Variants in HEMK2 observed in about 807,000 individuals in gnomAD.
The protein encoded by HEMK2 is methyltransferase HEMK2.
chr21:28,794,884 C>A, the HEMK2 span, among the ~76,000 whole-genome samples: 2 of 152,056 alleles, frequency 1.3e-5, no homozygotes, highest in African/African-American at 4.8e-5. Context: ...TGGGATGGTT[C>A]CAGTAAATGT....
chr21:28,824,341 G>T, the HEMK2 span, among the ~76,000 whole-genome samples: 3 of 152,160 alleles, frequency 2.0e-5, no homozygotes, highest in African/African-American at 7.2e-5. Flanking sequence ...ATCTGAAGTG[G>T]TCAGATACTA....
the HEMK2 span, among the ~76,000 whole-genome samples, chr21:28,614,083 A>G: frequency 6.6e-6 from 1 of 152,230 alleles, no homozygotes; most frequent in Non-Finnish European, 1.5e-5. Context: ...AATAAAGTTT[A>G]TAATTCCTTT....
At chr21:28,822,531 TA>T in the HEMK2 span, among the ~76,000 whole-genome samples, 13 of 152,182 alleles carry the variant, frequency 8.5e-5, no homozygotes, top group African/African-American at 3.1e-4. Flanking sequence ...TTCCCTAGTT[TA>T]TTTCCTTAAA....
the HEMK2 span, among the ~76,000 whole-genome samples, chr21:28,828,968 C>T: frequency 0.026 from 4,018 of 152,232 alleles, 180 homozygotes; most frequent in African/African-American, 0.092. Context: ...AGAGCTTTAA[C>T]AATTTTTAAT....
At chr21:28,639,213 G>GA in the HEMK2 span, among the ~76,000 whole-genome samples, 1 of 152,184 alleles carries the variant, frequency 6.6e-6, no homozygotes, top group Non-Finnish European at 1.5e-5. Context: ...ATCAAGATGA[G>GA]AAAGAAGAAA....
the HEMK2 span, among the ~76,000 whole-genome samples, chr21:28,762,101 A>T: frequency 6.6e-6 from 1 of 152,150 alleles, no homozygotes; most frequent in Non-Finnish European, 1.5e-5. Flanking sequence ...CTAAGAAAAG[A>T]CGTTGCCCTC....
the HEMK2 span, among the ~76,000 whole-genome samples, chr21:28,864,404 T>C: frequency 4.3e-4 from 59 of 137,624 alleles, no homozygotes; most frequent in African/African-American, 1.6e-3. Flanking sequence ...CTATGGGTCT[T>C]ACATTAGCAT....
the HEMK2 span, among the ~76,000 whole-genome samples, chr21:28,588,759 G>A: frequency 1.1e-4 from 17 of 151,964 alleles, no homozygotes; most frequent in South Asian, 1.9e-3. Flanking sequence ...TCACGAGGTC[G>A]GATCACAAGG....
At chr21:28,805,079 C>T in the HEMK2 span, among the ~76,000 whole-genome samples, 11 of 152,144 alleles carry the variant, frequency 7.2e-5, no homozygotes, top group African/African-American at 1.4e-4. Flanking sequence ...AATTATTTTC[C>T]TTGTTTCTGT....
At chr21:28,613,594 C>T in the HEMK2 span, among the ~76,000 whole-genome samples, 1 of 137,392 alleles carries the variant, frequency 7.3e-6, no homozygotes, top group Non-Finnish European at 1.5e-5. Flanking sequence ...TTATGGTAGC[C>T]TTCTCTCCTT....
chr21:28,613,654 A>C, the HEMK2 span, among the ~76,000 whole-genome samples: 2 of 87,088 alleles, frequency 2.3e-5, no homozygotes, highest in African/African-American at 5.1e-5. Flanking sequence ...TTTTGCCCTT[A>C]ACCAAAACCA....
the HEMK2 span, among the ~76,000 whole-genome samples, chr21:28,695,616 A>C: frequency 6.6e-6 from 1 of 152,060 alleles, no homozygotes; most frequent in Non-Finnish European, 1.5e-5. Flanking sequence ...CCATGATTCA[A>C]TTATCTCCAC....
At chr21:28,818,443 T>C in the HEMK2 span, among the ~76,000 whole-genome samples, 1 of 152,110 alleles carries the variant, frequency 6.6e-6, no homozygotes, top group Admixed American at 6.6e-5. Flanking sequence ...AATAAACTCA[T>C]ATATATATGT....
At chr21:28,581,763 G>A in the HEMK2 span, among the ~76,000 whole-genome samples, 5 of 152,122 alleles carry the variant, frequency 3.3e-5, no homozygotes, top group South Asian at 2.1e-4. Context: ...TAAAAACTAG[G>A]TTGGTTTAAA....
the HEMK2 span, among the ~76,000 whole-genome samples, chr21:28,637,367 G>A: frequency 2.0e-5 from 3 of 151,654 alleles, no homozygotes; most frequent in Admixed American, 6.6e-5. Flanking sequence ...GAGACACAAT[G>A]AATCAAAGGG....
the HEMK2 span, among the ~76,000 whole-genome samples, chr21:28,841,724 C>G: frequency 6.6e-6 from 1 of 151,376 alleles, no homozygotes; most frequent in Admixed American, 6.6e-5. Context: ...GTGTATACTG[C>G]TCAGGTGCAC....
chr21:28,709,980 T>C, the HEMK2 span, among the ~76,000 whole-genome samples: 1 of 152,200 alleles, frequency 6.6e-6, no homozygotes, highest in South Asian at 2.1e-4. Context: ...GCCCCAGACC[T>C]AACCACACCA....
chr21:28,703,363 C>A, the HEMK2 span, among the ~76,000 whole-genome samples: 1 of 151,860 alleles, frequency 6.6e-6, no homozygotes, highest in Admixed American at 6.6e-5. Flanking sequence ...TGTAGGATCG[C>A]TGGCTGGACA....
the HEMK2 span, among the ~76,000 whole-genome samples, chr21:28,655,728 C>A: frequency 6.6e-6 from 1 of 152,062 alleles, no homozygotes; most frequent in South Asian, 2.1e-4. Context: ...TGGTACGCTC[C>A]AAGTCAGTAC....
Sources: allele counts gnomAD v4.1 joint callset (sites outside exome capture counted in the v4.1 genomes callset), GRCh38; gene constraint gnomAD v4.1.1; transcripts MANE v1.5; gene names NCBI Gene and HGNC (gene_info 2026-07-23, HGNC 2026-07-21).